Variants in BTC observed in about 807,000 individuals in gnomAD.
BTC encodes betacellulin.
BTC carries 13 observed loss-of-function variants against 18.1 expected under a neutral mutation model. The observed-to-expected ratio is 0.72, with a 90% CI of 0.47 to 1.14. BTC has a LOEUF of 1.14. Among genes scored for constraint, BTC ranks in the 50% most tolerant of loss-of-function variants. The pLI, the probability that BTC is intolerant of heterozygous loss-of-function variation, is 0.00. For synonymous variants in BTC, 83 were observed against 79.4 expected (o/e 1.05, Z -0.24); for missense variants, 247 against 224.2 (o/e 1.10, Z -0.65).
chr4:74,781,918 G>T, intron 1 of BTC, among the ~76,000 whole-genome samples: 1 of 151,776 alleles, frequency 6.6e-6, no homozygotes, highest in Non-Finnish European at 1.5e-5. Context: ...CTATGACTTT[G>T]TCTCAGTCAC....
In BTC at chr4:74,794,411, G is replaced by A. The variant is rs972333499; in HGVS notation, c.-86C>T. ...TCCCGGGCCTCGGGCGCCTGAGAGGGTGCCTGGAAACTAATCCCGGAGGCA... is the reference window on the plus strand; with the variant it reads ...TCCCGGGCCTCGGGCGCCTGAGAGGATGCCTGGAAACTAATCCCGGAGGCA... On this transcript the variant is annotated 5_prime_UTR_variant, in exon 1 of 6. Transcript: ENST00000395743. 3 of 1,374,654 alleles carry A rather than the reference G, an allele frequency of 2.2e-6. No homozygotes were observed. In the South Asian group the frequency reaches 4.5e-5, roughly 20 times the overall value. 85.2% of individuals were successfully genotyped at this position (1,374,654 alleles called of 1,614,324 possible).
chr4:74,772,652 CAAAA>C (rs1179856738), intron 1 of BTC, among the ~76,000 whole-genome samples: 1 of 91,162 alleles, frequency 1.1e-5, no homozygotes, highest in Non-Finnish European at 2.4e-5. Context: ...ATGGTGAGAA[CAAAA>C]AAAAAAAAAA....
At chr4:74,782,108 C>CT (rs900429927) in intron 1 of BTC, among the ~76,000 whole-genome samples, 263 of 151,242 alleles carry the variant, frequency 1.7e-3, no homozygotes, top group African/African-American at 5.8e-3. Context: ...GCCCTATTTT[C>CT]TTTTTTTTTC....
chr4:74,762,040 C>A (rs1263023431), intron 2 of BTC, among the ~76,000 whole-genome samples: 1 of 152,144 alleles, frequency 6.6e-6, no homozygotes, highest in Admixed American at 6.5e-5. Flanking sequence ...ATAGTAGGTG[C>A]TCATAAATAT....
At chr4:74,758,715 C>T (rs1416694732) in intron 2 of BTC, among the ~76,000 whole-genome samples, 1 of 152,162 alleles carries the variant, frequency 6.6e-6, no homozygotes, top group African/African-American at 2.4e-5. Flanking sequence ...GATCAGCCTT[C>T]GTTCATCCAA....
chr4:74,769,478 A>T (rs1724984942), intron 2 of BTC, among the ~76,000 whole-genome samples: 1 of 152,136 alleles, frequency 6.6e-6, no homozygotes, highest in Non-Finnish European at 1.5e-5. Flanking sequence ...TAGTTGTGAC[A>T]AAGACATCAT....
chr4:74,751,055 C>T (rs528671260), intron 3 of BTC, among the ~76,000 whole-genome samples: 1 of 152,234 alleles, frequency 6.6e-6, no homozygotes, highest in Admixed American at 6.5e-5. Context: ...AACTCCATGA[C>T]AAGGAACTCA....
intron 1 of BTC, among the ~76,000 whole-genome samples, chr4:74,793,167 C>T (rs972585256): frequency 1.3e-5 from 2 of 152,234 alleles, no homozygotes; most frequent in African/African-American, 2.4e-5. Flanking sequence ...CACTCTACCA[C>T]TAAATTGTTA....
chr4:74,778,818 G>C (rs1187574951), intron 1 of BTC, among the ~76,000 whole-genome samples: 1 of 152,154 alleles, frequency 6.6e-6, no homozygotes, highest in Admixed American at 6.6e-5. Context: ...AGCTGACCAA[G>C]AGACAATGAA....
chr4:74,746,734 T>C (rs1553955525), intron 5 of BTC, 59 bp from the exon 6 acceptor site: 1 of 152,476 alleles, frequency 6.6e-6, no homozygotes, highest in Non-Finnish European at 1.5e-5. Context: ...GCAATAATAA[T>C]AATAATTTAA....
chr4:74,780,897 T>C (rs1190319177), intron 1 of BTC, among the ~76,000 whole-genome samples: 1 of 85,318 alleles, frequency 1.2e-5, no homozygotes, highest in Non-Finnish European at 2.1e-5. Context: ...TGAGAGTTTC[T>C]TTTTTTTTTT....
chr4:74,764,957 C>A (rs1724857268), intron 2 of BTC, among the ~76,000 whole-genome samples: 1 of 151,852 alleles, frequency 6.6e-6, no homozygotes, highest in Admixed American at 6.6e-5. Flanking sequence ...GGCAAGAGAG[C>A]TTGTGCAGGG....
At chr4:74,758,902 C>T (rs1357292000) in intron 2 of BTC, among the ~76,000 whole-genome samples, 5 of 152,016 alleles carry the variant, frequency 3.3e-5, no homozygotes, top group Non-Finnish European at 7.4e-5. Flanking sequence ...AGCTTTAAAA[C>T]CTGAAAGAAA....
intron 1 of BTC, among the ~76,000 whole-genome samples, chr4:74,792,453 G>A (rs143310786): frequency 6.6e-6 from 1 of 152,148 alleles, no homozygotes; most frequent in East Asian, 1.9e-4. Context: ...ATACCTACGA[G>A]ACAATCAGGT....
At chr4:74,752,224 A>C (rs1227819382) in intron 3 of BTC, among the ~76,000 whole-genome samples, 1 of 152,208 alleles carries the variant, frequency 6.6e-6, no homozygotes, top group Non-Finnish European at 1.5e-5. Flanking sequence ...CATCTATTAT[A>C]AAAGGACCCA....
chr4:74,779,662 G>T (rs1057462367), intron 1 of BTC, among the ~76,000 whole-genome samples: 4 of 152,082 alleles, frequency 2.6e-5, no homozygotes, highest in Non-Finnish European at 4.4e-5. Context: ...TTGGTTTCTG[G>T]ATCTAGTGAT....
intron 3 of BTC, among the ~76,000 whole-genome samples, chr4:74,750,959 A>G (rs1553956110): frequency 6.6e-6 from 1 of 152,216 alleles, no homozygotes; most frequent in Non-Finnish European, 1.5e-5. Context: ...ATACACAAGG[A>G]TGATGACAAT....
chr4:74,748,120 T>G lies in BTC; in HGVS notation c.458A>C (p.Lys153Thr). Residue 153 changes from lysine (K) to threonine (T), a missense_variant, in exon 5 of 6, where the codon AAG becomes ACG. Coordinates refer to ENST00000395743, the MANE Select transcript of BTC (RefSeq NM_001729.4). ...HPLRKRRKRK[K>T]KEEEMETLGK... ...CAGAGTTTCCATTTCTTCTTCTTTC[T>G]TCTTTCTTTTACGACGTTTCCGAAG... 6.2e-7 allele frequency: 1 copy of G among 1,610,036 alleles called. No homozygotes were observed. Among genetic ancestry groups the G allele is most frequent in the Non-Finnish European group, 8.5e-7 (1 of 1,179,064 alleles).
At chr4:74,757,283 G>A (rs148347765) in intron 2 of BTC, among the ~76,000 whole-genome samples, 396 of 152,308 alleles carry the variant, frequency 2.6e-3, no homozygotes, top group African/African-American at 9.1e-3. Flanking sequence ...AAAGGACTTA[G>A]GATGATCTAA....
Sources: gnomAD v4.1 joint callset for allele counts (sites outside exome capture counted in the v4.1 genomes callset) on GRCh38, gnomAD v4.1.1 for gene constraint, MANE v1.5 for transcripts, NCBI Gene and HGNC (gene_info 2026-07-23, HGNC 2026-07-21) for gene names.